ANGPT1: variants seen among roughly 807,000 people sequenced by gnomAD.
The protein encoded by ANGPT1 is angiopoietin-1.
A neutral mutation model predicts 62.2 loss-of-function variants in ANGPT1; 17 were observed. The observed-to-expected ratio is 0.27, with a 90% CI of 0.19 to 0.41. The LOEUF (loss-of-function observed/expected upper bound fraction) is 0.41, where lower values mean the gene tolerates loss of function less well. Among genes scored for constraint, ANGPT1 ranks in the 10% least tolerant of loss-of-function variants. The pLI is 1.00. For missense variants in ANGPT1, 478 were observed against 594.9 expected, an observed-to-expected ratio of 0.80 and a Z score of 2.04; for synonymous variants, 199 against 198.9, an observed-to-expected ratio of 1.00 and a Z score of 0.00.
chr8:107,390,105 A>T lies in ANGPT1; in HGVS notation c.298-43008T>A, dbSNP rs192187484. 1.2e-4 allele frequency among the ~76,000 whole-genome samples: 18 copies of T among 152,272 alleles called. No individual in the cohort carries two copies. The East Asian group carries it at 2.9e-3, about 24-fold the overall frequency. On this transcript the variant is annotated intron_variant, in intron 1 of 8. Transcript: ENST00000517746. ...AGGTTAACTGGCCAAATACAACAAA[A>T]GGTGAATTACCCATAATAATTTTTA...
chr8:107,416,193 C>A (rs1810739019), intron 1 of ANGPT1, among the ~76,000 whole-genome samples: 1 of 152,154 alleles, frequency 6.6e-6, no homozygotes, highest in East Asian at 1.9e-4. Context: ...CACAAAACTG[C>A]CCCCTTCCAC....
At chr8:107,264,550 C>T (rs973037144) in intron 7 of ANGPT1, among the ~76,000 whole-genome samples, 199 bp from the exon 8 acceptor site, 3 of 152,122 alleles carry the variant, frequency 2.0e-5, no homozygotes, top group Admixed American at 6.6e-5. Context: ...ATTATGCATG[C>T]TCAAACTCAT....
intron 1 of ANGPT1, among the ~76,000 whole-genome samples, chr8:107,468,655 GA>G (rs1238123236): frequency 6.6e-6 from 1 of 151,922 alleles, no homozygotes; most frequent in Non-Finnish European, 1.5e-5. Context: ...TACCACAACT[GA>G]AAGAAAATTT....
At chr8:107,416,155 C>G (rs1030893767) in intron 1 of ANGPT1, among the ~76,000 whole-genome samples, 3 of 152,118 alleles carry the variant, frequency 2.0e-5, no homozygotes, top group African/African-American at 7.2e-5. Context: ...ACACTGTCCA[C>G]CTGGAGACAC....
intron 1 of ANGPT1, among the ~76,000 whole-genome samples, chr8:107,365,813 C>T: frequency 6.6e-6 from 1 of 151,556 alleles, no homozygotes; most frequent in Non-Finnish European, 1.5e-5. Context: ...GACTGTGACC[C>T]ACAGTAAGAA....
At chr8:107,354,180 A>C (rs1815992637) in intron 1 of ANGPT1, among the ~76,000 whole-genome samples, 1 of 152,160 alleles carries the variant, frequency 6.6e-6, no homozygotes, top group African/African-American at 2.4e-5. Flanking sequence ...CTCCTGTGCC[A>C]AAACACATTT....
chr8:107,286,275 G>A (rs1344825849), intron 6 of ANGPT1, among the ~76,000 whole-genome samples: 1 of 152,258 alleles, frequency 6.6e-6, no homozygotes, highest in Non-Finnish European at 1.5e-5. Context: ...TTAAATATTA[G>A]TGGGAAAAGA....
intron 1 of ANGPT1, among the ~76,000 whole-genome samples, chr8:107,432,556 C>T (rs534949432): frequency 4.2e-4 from 63 of 150,666 alleles, no homozygotes; most frequent in Admixed American, 2.3e-3. Flanking sequence ...CCCAGCTACT[C>T]GGGAGGCTGA....
rs950535630 is a variant in ANGPT1 at position 107,496,035 on chromosome 8, C to G, written c.297+1227G>C. 2.0e-5 allele frequency among the ~76,000 whole-genome samples: 3 copies of G among 152,188 alleles called. No individual in the cohort carries two copies. The East Asian group carries it at 5.8e-4, about 29-fold the overall frequency. On this transcript the variant is annotated intron_variant, in intron 1 of 8. Coordinates refer to ENST00000517746, the MANE Select transcript of ANGPT1 (RefSeq NM_001146.5). ...AGAATAACTATTACTTGGCATGATT[C>G]AGCAGGCAATGACCTAAGTGAGTGT... is the stretch of plus-strand genomic sequence containing the variant.
At chr8:107,259,826 T>A (rs1029622054) in intron 8 of ANGPT1, among the ~76,000 whole-genome samples, 3 of 152,054 alleles carry the variant, frequency 2.0e-5, no homozygotes, top group African/African-American at 7.2e-5. Flanking sequence ...GATTTTTTTT[T>A]AGCTGAAGGT....
At chr8:107,307,581 G>GT (rs891472620) in intron 4 of ANGPT1, among the ~76,000 whole-genome samples, 1 of 151,736 alleles carries the variant, frequency 6.6e-6, no homozygotes, top group African/African-American at 2.4e-5. Context: ...TTCCCCTCGC[G>GT]TTTTTTGTTG....
intron 1 of ANGPT1, among the ~76,000 whole-genome samples, chr8:107,464,914 A>G (rs1216595492): frequency 6.6e-6 from 1 of 152,130 alleles, no homozygotes; most frequent in Non-Finnish European, 1.5e-5. Flanking sequence ...AGGAAAACAA[A>G]GAGGATGCCC....
intron 1 of ANGPT1, among the ~76,000 whole-genome samples, chr8:107,476,001 T>C (rs1377311185): frequency 1.3e-5 from 2 of 152,202 alleles, no homozygotes; most frequent in African/African-American, 2.4e-5. Flanking sequence ...TGTAAACTAG[T>C]TCAACCATTG....
intron 1 of ANGPT1, among the ~76,000 whole-genome samples, chr8:107,366,140 C>T (rs1176858942): frequency 1.3e-5 from 2 of 152,172 alleles, no homozygotes; most frequent in African/African-American, 2.4e-5. Flanking sequence ...TATGTTATCA[C>T]TATATGCCCA....
rs773328001 is a variant in ANGPT1, at chr8:107,441,782, T to G, written c.297+55480A>C. On this transcript the variant is annotated intron_variant, in intron 1 of 8. Coordinates refer to ENST00000517746, the MANE Select transcript of ANGPT1 (RefSeq NM_001146.5). The stretch of plus-strand genomic sequence containing the variant: ...ACACCCCTAATAGAAGTCAGGTCTT[T>G]GCAGATTAAAAAGGGGAGTCCTGGC... 7.2e-5 allele frequency among the ~76,000 whole-genome samples: 11 copies of G among 152,170 alleles called. No homozygotes were observed. In the East Asian group the frequency reaches 2.1e-3, roughly 29 times the overall value.
At chr8:107,343,174 C>T (rs150263204) in intron 2 of ANGPT1, among the ~76,000 whole-genome samples, 19 of 151,962 alleles carry the variant, frequency 1.3e-4, no homozygotes, top group African/African-American at 1.9e-4. Context: ...GAGGTCCAAA[C>T]GGCAGATGTA....
chr8:107,288,346 C>T lies in ANGPT1; in HGVS notation c.1039-3498G>A, dbSNP rs188927694. 2.1e-3 allele frequency among the ~76,000 whole-genome samples: 322 copies of T among 152,232 alleles called. 2 individuals carry two copies. Among genetic ancestry groups the T allele is most frequent in the African/African-American group, 7.0e-3 (292 of 41,556 alleles). ...AAGTATCTGTTTCCTTCGACTCTCC[C>T]TTAGTGCTATCTCTTTCAAGCCCTC... On this transcript the variant is annotated intron_variant, in intron 6 of 8. Coordinates refer to ENST00000517746, the MANE Select transcript of ANGPT1 (RefSeq NM_001146.5).
intron 7 of ANGPT1, 131 bp downstream of exon 7, chr8:107,284,551 A>C: frequency 1.3e-6 from 1 of 767,046 alleles, no homozygotes; most frequent in Non-Finnish European, 1.8e-6. Context: ...TCTTTGTAAT[A>C]GGTCTAGACA....
intron 1 of ANGPT1, among the ~76,000 whole-genome samples, chr8:107,367,524 T>C (rs1396014099): frequency 6.6e-6 from 1 of 152,108 alleles, no homozygotes; most frequent in Middle Eastern, 3.2e-3. Flanking sequence ...TTCCTTTCAC[T>C]AAAGATTTAT....
Sources: gnomAD v4.1 joint callset for allele counts (sites outside exome capture counted in the v4.1 genomes callset) on GRCh38, gnomAD v4.1.1 for gene constraint, MANE v1.5 for transcripts, NCBI Gene and HGNC (gene_info 2026-07-23, HGNC 2026-07-21) for gene names.